MORC4: variants seen among roughly 807,000 people sequenced by gnomAD.
The protein encoded by MORC4 is MORC family CW-type zinc finger protein 4.
A neutral mutation model predicts 65.5 loss-of-function variants in MORC4; 22 were observed. That is an observed-to-expected ratio of 0.34 (90% CI 0.24 to 0.48). MORC4 has a LOEUF of 0.48. Among genes scored for constraint, MORC4 ranks in the 20% least tolerant of loss-of-function variants. The pLI is 0.99. For synonymous variants in MORC4, 267 were observed against 255.8 expected (o/e 1.04, Z -0.42); for missense variants, 624 against 703.0 (o/e 0.89, Z 1.27).
Position 106,941,395 on chromosome X carries a change from AG to A in MORC4, c.*83del, listed in dbSNP as rs1933671705. On this transcript the variant is annotated 3_prime_UTR_variant, in exon 17 of 17. Transcript: ENST00000355610. ...GTGAGAGAGAGAGAGAGAGAGAGAGAGAGAGAGAGAGAGAGACGTGAGGGAG... is the reference window on the plus strand; with the variant it reads ...GTGAGAGAGAGAGAGAGAGAGAGAGAAGAGAGAGAGAGAGACGTGAGGGAG... 3 of 750,848 alleles carry A rather than the reference AG, an allele frequency of 4.0e-6. No homozygotes were observed. The highest frequency in any genetic ancestry group is 5.7e-6 in the Non-Finnish European group (3 of 522,369). The allele number at this position is 750,848 out of a possible 1,213,427, so 61.9% of individuals were successfully genotyped here. A position where few individuals can be genotyped will look rare whatever the true frequency, so the allele number is the denominator to read the frequency against.
intron 14 of MORC4, among the ~76,000 whole-genome samples, chrX:106,952,075 T>C (rs767436629): frequency 2.0e-5 from 2 of 102,362 alleles, no homozygotes; most frequent in Non-Finnish European, 4.0e-5. Context: ...GATACTTACA[T>C]ATCAAATTTT....
rs144459345 is a variant in MORC4, at chrX:106,980,951, G to T, written c.876C>A (p.Thr292=). The T allele has an allele frequency of 2.7e-3, 3,268 of 1,204,895 alleles. 81 individuals carry two copies. The Admixed American group carries it at 0.066, about 24-fold the overall frequency. ...TGGCCAGGCTCTTGGCAATCATCTG[G>T]GTAGTCACCTTCTTTTGACGCAGAA... ...KIFLRQKKVT[T]QMIAKSLANV... The change falls in exon 7 of 17, where the codon ACC becomes ACA. Residue 292 remains threonine (T), a synonymous_variant. Coordinates refer to ENST00000355610, the MANE Select transcript of MORC4 (RefSeq NM_024657.5).
intron 2 of MORC4, among the ~76,000 whole-genome samples, chrX:106,997,175 C>T (rs1284774570): frequency 2.7e-5 from 3 of 112,100 alleles, no homozygotes; most frequent in African/African-American, 9.7e-5. Flanking sequence ...ATTGAATAGA[C>T]CACAAATTTG....
intron 3 of MORC4, among the ~76,000 whole-genome samples, chrX:106,987,180 C>T (rs1934888209): frequency 9.0e-6 from 1 of 110,602 alleles, no homozygotes; most frequent in African/African-American, 3.3e-5. Context: ...CTATAATTAG[C>T]AATAATACAT....
chrX:106,964,388 T>C (rs1276744588), intron 9 of MORC4, among the ~76,000 whole-genome samples: 2 of 111,360 alleles, frequency 1.8e-5, no homozygotes. Flanking sequence ...AAGGGACCCA[T>C]AGGACACCAT....
intron 16 of MORC4, 69 bp downstream of exon 16, chrX:106,941,865 CCAGT>C (rs1215687636): frequency 3.5e-5 from 37 of 1,051,650 alleles, no homozygotes; most frequent in Non-Finnish European, 4.8e-5. Flanking sequence ...TTGTCTACGG[CCAGT>C]AAGTGGGGGT....
At chrX:106,987,615 G>C (rs1194625600) in intron 3 of MORC4, among the ~76,000 whole-genome samples, 2 of 111,649 alleles carry the variant, frequency 1.8e-5, no homozygotes, top group Non-Finnish European at 1.9e-5. Context: ...GACCATGACT[G>C]AGCAGGCTGA....
chrX:106,960,364 T>C (rs142536170), intron 10 of MORC4, among the ~76,000 whole-genome samples: 3,460 of 111,666 alleles, frequency 0.031, 136 homozygotes, highest in African/African-American at 0.11. Flanking sequence ...TTTCAGGAAA[T>C]TGGTAGCTGA....
At chrX:106,986,924 C>G (rs183137134) in intron 3 of MORC4, among the ~76,000 whole-genome samples, 1 of 111,916 alleles carries the variant, frequency 8.9e-6, no homozygotes, top group East Asian at 2.8e-4. Flanking sequence ...CCCTTTTGAT[C>G]AGCTTAATCT....
At chrX:106,967,904 C>G (rs1185282296) in intron 9 of MORC4, among the ~76,000 whole-genome samples, 5 of 111,798 alleles carry the variant, frequency 4.5e-5, no homozygotes, top group Non-Finnish European at 7.5e-5. Flanking sequence ...AGGATATTAT[C>G]CAGGAGAACT....
chrX:106,949,234 T>A (rs192650544), intron 14 of MORC4, among the ~76,000 whole-genome samples: 135 of 112,058 alleles, frequency 1.2e-3, no homozygotes, highest in African/African-American at 4.2e-3. Context: ...ACCTTCAGAA[T>A]TTCCATTTGA....
At chrX:106,975,151 G>C (rs1304834248) in intron 9 of MORC4, among the ~76,000 whole-genome samples, 1 of 111,703 alleles carries the variant, frequency 9.0e-6, no homozygotes, top group Non-Finnish European at 1.9e-5. Context: ...TGGTGGCAAA[G>C]ATGATATAGA....
chrX:106,974,673 G>C (rs1446540212), intron 9 of MORC4, among the ~76,000 whole-genome samples: 1 of 111,471 alleles, frequency 9.0e-6, no homozygotes, highest in African/African-American at 3.3e-5. Flanking sequence ...GTTAAAAGTG[G>C]TATTACAGAT....
At chrX:106,947,591 A>ATATATATATT (rs1411668743) in intron 14 of MORC4, among the ~76,000 whole-genome samples, 4 of 83,120 alleles carry the variant, frequency 4.8e-5, no homozygotes, top group African/African-American at 1.6e-4. Context: ...ATATATATAT[A>ATATATATATT]ATATATATAT....
intron 15 of MORC4, 46 bp from the exon 16 acceptor site, chrX:106,942,267 G>A (rs775873013): frequency 6.9e-6 from 8 of 1,151,970 alleles, no homozygotes; most frequent in South Asian, 6.0e-5. Context: ...AAAAGAGCAC[G>A]CCAAAAACCG....
intron 5 of MORC4, among the ~76,000 whole-genome samples, chrX:106,983,710 TTC>T (rs1275796171): frequency 1.0e-5 from 1 of 99,740 alleles, no homozygotes; most frequent in Non-Finnish European, 2.0e-5. Context: ...TTTTTTCTAC[TTC>T]TTTTTTTTTT....
chrX:106,941,608 T>C lies in MORC4; in HGVS notation c.2685A>G (p.Leu895=), dbSNP rs1933682273. ...LERALAKLTR[L]RIHVSYLLTS... ...TAAGGAGATAGCTGACGTGGATACG[T>C]AGCCGCGTAAGCTTTGCCAAAGCCC... is the stretch of plus-strand genomic sequence containing the variant. The change falls in exon 17 of 17, where the codon CTA becomes CTG. Residue 895 remains leucine (L), a synonymous_variant. Coordinates refer to ENST00000355610, the MANE Select transcript of MORC4 (RefSeq NM_024657.5). The C allele has an allele frequency of 6.6e-6, 8 of 1,210,405 alleles. No homozygotes were observed. The highest frequency in any genetic ancestry group is 8.9e-6 in the Non-Finnish European group (8 of 894,787).
chrX:106,961,827 C>G (rs190388182), intron 10 of MORC4, among the ~76,000 whole-genome samples, 185 bp downstream of exon 10: 100 of 111,928 alleles, frequency 8.9e-4, no homozygotes, highest in Middle Eastern at 4.6e-3. Context: ...ACCACTCACT[C>G]TTTGGGTCGG....
intron 5 of MORC4, among the ~76,000 whole-genome samples, chrX:106,984,373 C>A (rs748772567): frequency 9.1e-6 from 1 of 109,822 alleles, no homozygotes; most frequent in African/African-American, 3.3e-5. Flanking sequence ...TTATCTGTGG[C>A]AATAGCCTCA....
Sources: allele counts gnomAD v4.1 joint callset (sites outside exome capture counted in the v4.1 genomes callset), GRCh38; gene constraint gnomAD v4.1.1; transcripts MANE v1.5; gene names NCBI Gene and HGNC (gene_info 2026-07-23, HGNC 2026-07-21).